GDI2: variants seen among roughly 807,000 people sequenced by gnomAD.
The protein encoded by GDI2 is GDP dissociation inhibitor 2, also known as rab GDP dissociation inhibitor beta.
GDI2 carries 22 observed loss-of-function variants against 54.2 expected under a neutral mutation model. The ratio of observed to expected loss-of-function variants is 0.41; its 90% confidence interval spans 0.29 to 0.58. GDI2 has a LOEUF of 0.58. Among genes scored for constraint, GDI2 ranks in the 20% least tolerant of loss-of-function variants. GDI2 has a pLI of 0.35. For synonymous variants in GDI2, 177 were observed against 182.1 expected (o/e 0.97, Z 0.23); for missense variants, 422 against 546.0 (o/e 0.77, Z 2.26).
chr10:5,789,769 C>A (rs1273001509), intron 4 of GDI2, among the ~76,000 whole-genome samples: 2 of 152,194 alleles, frequency 1.3e-5, no homozygotes, highest in Non-Finnish European at 2.9e-5. Flanking sequence ...CACACAAACA[C>A]AGACCATACA....
At chr10:5,801,632 C>T (rs1254763857) in intron 1 of GDI2, among the ~76,000 whole-genome samples, 1 of 152,136 alleles carries the variant, frequency 6.6e-6, no homozygotes, top group African/African-American at 2.4e-5. Flanking sequence ...ACCAAGATCA[C>T]ACCACTGCAC....
intron 4 of GDI2, among the ~76,000 whole-genome samples, chr10:5,793,655 G>T (rs528245297): frequency 3.9e-4 from 59 of 152,096 alleles, no homozygotes; most frequent in Non-Finnish European, 8.1e-4. Flanking sequence ...GAACTTATGA[G>T]CACTTTCCCT....
At chr10:5,778,753 G>A (rs1281312314) in intron 6 of GDI2, among the ~76,000 whole-genome samples, 1 of 152,066 alleles carries the variant, frequency 6.6e-6, no homozygotes, top group Non-Finnish European at 1.5e-5. Context: ...TTGATTGTAA[G>A]AAATCAATAA....
rs1325260279 is a variant in GDI2 at position 5,795,137 on chromosome 10, A to AT, written c.254-119dup. On this transcript the variant is annotated intron_variant, in intron 3 of 10. Transcript: ENST00000380191. ...GATGTTCAATAACTCCAACAAAATA[A>AT]TTTTTTTTTGAGACACAGTCTCCCT... The AT allele has an allele frequency of 1.6e-4, 105 of 655,734 alleles. 1 individual carries two copies. Among genetic ancestry groups the AT allele is most frequent in the East Asian group, 2.7e-4 (10 of 36,576 alleles). The allele number at this position is 655,734 out of a possible 1,614,324, so 40.6% of individuals were successfully genotyped here.
chr10:5,809,238 C>A (rs1324230124), intron 1 of GDI2, among the ~76,000 whole-genome samples: 1 of 72,524 alleles, frequency 1.4e-5, no homozygotes, highest in Non-Finnish European at 3.6e-5. Flanking sequence ...GAGTGAGACT[C>A]CATCTCAAAA....
intron 6 of GDI2, among the ~76,000 whole-genome samples, chr10:5,775,833 C>A (rs1840606941): frequency 6.6e-6 from 1 of 152,210 alleles, no homozygotes; most frequent in South Asian, 2.1e-4. Flanking sequence ...CGTGTGACGT[C>A]ATGGCACCGT....
At chr10:5,802,789 C>T (rs888937802) in intron 1 of GDI2, among the ~76,000 whole-genome samples, 4 of 151,978 alleles carry the variant, frequency 2.6e-5, no homozygotes, top group Admixed American at 6.6e-5. Context: ...TTCCAAATAA[C>T]GGGTGAATGA....
chr10:5,794,232 TAA>T (rs1554789578), intron 4 of GDI2, among the ~76,000 whole-genome samples: 13 of 97,406 alleles, frequency 1.3e-4, no homozygotes, highest in African/African-American at 3.6e-4. Flanking sequence ...TATATATATA[TAA>T]AACTCACCAG....
At chr10:5,780,799 C>T (rs1463002831) in intron 6 of GDI2, among the ~76,000 whole-genome samples, 3 of 152,202 alleles carry the variant, frequency 2.0e-5, no homozygotes, top group African/African-American at 7.2e-5. Flanking sequence ...TATGGACTGG[C>T]AGACTCAGCA....
chr10:5,787,601 G>T (rs1440192089), intron 4 of GDI2, among the ~76,000 whole-genome samples: 3 of 152,088 alleles, frequency 2.0e-5, no homozygotes, highest in African/African-American at 7.2e-5. Flanking sequence ...TAAATGGACA[G>T]AATGTACACA....
intron 1 of GDI2, among the ~76,000 whole-genome samples, chr10:5,803,602 T>G (rs548979555): frequency 6.0e-4 from 92 of 152,290 alleles, no homozygotes; most frequent in Non-Finnish European, 1.1e-3. Context: ...GAACAGATCC[T>G]GAGACTAAAA....
intron 1 of GDI2, among the ~76,000 whole-genome samples, chr10:5,809,062 T>C (rs979791444): frequency 6.6e-6 from 1 of 152,076 alleles, no homozygotes; most frequent in African/African-American, 2.4e-5. Context: ...CTGATCAATA[T>C]GGTGAAACCC....
In GDI2 at chr10:5,813,400, G is replaced by T. The variant is rs1001216670; in HGVS notation, c.-142C>A. The T allele has an allele frequency of 2.3e-6, 1 of 443,634 alleles. No homozygotes were observed. The highest frequency in any genetic ancestry group is 2.1e-5 in the African/African-American group (1 of 46,920). 27.5% of individuals were successfully genotyped at this position (443,634 alleles called of 1,614,324 possible). ...GAAAATGGAGCTGGCGACAAGGCGAGACCGACCGCCACCTCAGACGGGAAG... is the reference window on the plus strand; with the variant it reads ...GAAAATGGAGCTGGCGACAAGGCGATACCGACCGCCACCTCAGACGGGAAG... On this transcript the variant is annotated 5_prime_UTR_variant, in exon 1 of 11. Transcript: ENST00000380191.
intron 6 of GDI2, among the ~76,000 whole-genome samples, chr10:5,782,401 ACT>A (rs1303131427): frequency 6.6e-6 from 1 of 152,214 alleles, no homozygotes; most frequent in Non-Finnish European, 1.5e-5. Flanking sequence ...ACTCCAGAAC[ACT>A]GTTTTACAGT....
At chr10:5,769,994 T>C (rs886625680) in intron 7 of GDI2, among the ~76,000 whole-genome samples, 5 of 152,224 alleles carry the variant, frequency 3.3e-5, no homozygotes, top group Non-Finnish European at 5.9e-5. Context: ...CAGGTATCGA[T>C]GAATGGATAA....
At chr10:5,811,905 G>A in intron 1 of GDI2, 1 of 1,157,608 alleles carries the variant, frequency 8.6e-7, no homozygotes, top group Non-Finnish European at 1.1e-6. Context: ...ATAAAAGTTC[G>A]AAGGTTTTCT....
chr10:5,779,492 C>T (rs114311827), intron 6 of GDI2, among the ~76,000 whole-genome samples: 2,045 of 148,816 alleles, frequency 0.014, 47 homozygotes, highest in African/African-American at 0.048. Flanking sequence ...TGGGTGACTC[C>T]GTCTCGAAAA....
intron 6 of GDI2, among the ~76,000 whole-genome samples, chr10:5,775,770 A>G (rs551546538): frequency 6.6e-6 from 1 of 152,198 alleles, no homozygotes; most frequent in Non-Finnish European, 1.5e-5. Context: ...TGTTCAAAGG[A>G]GCTTGCTTAC....
chr10:5,794,376 G>C (rs1841101214), intron 4 of GDI2, among the ~76,000 whole-genome samples: 1 of 151,282 alleles, frequency 6.6e-6, no homozygotes, highest in African/African-American at 2.4e-5. Flanking sequence ...ACATGATTAA[G>C]CACCAGGGCT....
Sources: allele counts gnomAD v4.1 joint callset (sites outside exome capture counted in the v4.1 genomes callset), GRCh38; gene constraint gnomAD v4.1.1; transcripts MANE v1.5; gene names NCBI Gene and HGNC (gene_info 2026-07-23, HGNC 2026-07-21).